The following TMEM275 variants were observed in gnomAD, a reference collection of about 807,000 sequenced individuals.
TMEM275 encodes transmembrane protein 275.
At chr1:46,535,128 C>T (rs144964817) in intron 1 of TMEM275, among the ~76,000 whole-genome samples, 307 of 152,226 alleles carry the variant, frequency 2.0e-3, no homozygotes, top group African/African-American at 6.9e-3. Context: ...AGTGTCCAAA[C>T]CCTATACCCA....
At chr1:46,534,962 C>T (rs1409700815) in intron 1 of TMEM275, among the ~76,000 whole-genome samples, 149 bp downstream of exon 1, 14 of 152,120 alleles carry the variant, frequency 9.2e-5, no homozygotes, top group Admixed American at 8.5e-4. Context: ...CTAAATAAAG[C>T]GCTTAGAACA....
exon 2 of TMEM275, chr1:46,532,941 T>C (rs1666685026): frequency 2.5e-6 from 1 of 394,510 alleles, no homozygotes; most frequent in Non-Finnish European, 4.5e-6. Flanking sequence ...TAAATGGCAC[T>C]GAAGGAAGGG....
Position 46,533,237 on chromosome 1 carries a change from C to T in TMEM275, c.291G>A (p.Ala97=). 2 of 328,462 alleles carry T rather than the reference C, an allele frequency of 6.1e-6. No homozygotes were observed. Among genetic ancestry groups the T allele is most frequent in the Non-Finnish European group, 1.1e-5 (2 of 183,618 alleles). The allele number at this position is 328,462 out of a possible 1,614,324, so 20.3% of individuals were successfully genotyped here. ...GGCCGCCACCCTGGCCCGGGCCCGC[C>T]GCGGCCGCCGAGCGCCCACGGGGCG... The change falls in exon 2 of 2, where the codon GCG becomes GCA. Residue 97 remains alanine (A), a synonymous_variant. Transcript: ENST00000634804. This position sits in a 1 kb window ranked among gnomAD's most constrained non-coding sequence, Gnocchi z 4.4.
exon 2 of TMEM275, chr1:46,532,230 G>A (rs141925378): frequency 0.019 from 2,858 of 152,520 alleles, 29 homozygotes; most frequent in Non-Finnish European, 0.03. Context: ...CACAGTCAGG[G>A]TGGGTGGGGG....
chr1:46,534,129 C>G (rs569637894), intron 1 of TMEM275, among the ~76,000 whole-genome samples, 88 bp from the exon 3 acceptor site: 11 of 150,374 alleles, frequency 7.3e-5, no homozygotes, highest in Non-Finnish European at 1.5e-4. Flanking sequence ...CCTTGCCCCC[C>G]ACCCCCACCC....
chr1:46,534,686 C>A (rs561320399), intron 1 of TMEM275, among the ~76,000 whole-genome samples, 103 bp from the exon 2 acceptor site: 8 of 152,246 alleles, frequency 5.3e-5, no homozygotes, highest in Admixed American at 2.0e-4. Context: ...ATAGTTGGTA[C>A]AAAGGCCCTC....
At position 46,533,329 on chromosome 1, in the gene TMEM275, G is replaced by C. The variant is rs1666694943; in HGVS notation, c.199C>G (p.Leu67Val). ...CCGAGCGCCAGCACCAGCAGCGCCA[G>C]CCCCACGACGAGCAGCGCGTTGTGC... The change falls in exon 2 of 2, where the codon CTG becomes GTG. Residue 67 changes from leucine to valine, a missense_variant. Physicochemically the swap from Leu to Val is conservative, Grantham distance 32 (BLOSUM62 1). Coordinates refer to ENST00000634804, the Ensembl canonical transcript of TMEM275. The surrounding 1 kb of genome is among the most constrained non-coding windows in gnomAD (Gnocchi z 4.4). 1 of 372,844 alleles carries C rather than the reference G, an allele frequency of 2.7e-6. No homozygotes were observed. Among genetic ancestry groups the C allele is most frequent in the Non-Finnish European group, 4.8e-6 (1 of 209,438 alleles). The allele number at this position is 372,844 out of a possible 1,614,324, so 23.1% of individuals were successfully genotyped here.
At chr1:46,535,508 C>A (rs1478330119) in intron 1 of TMEM275, among the ~76,000 whole-genome samples, 1 of 152,200 alleles carries the variant, frequency 6.6e-6, no homozygotes, top group African/African-American at 2.4e-5. Context: ...GCAGGGATAG[C>A]AACCACTAAA....
chr1:46,534,736 T>G (rs6696219), intron 1 of TMEM275, among the ~76,000 whole-genome samples, 153 bp from the exon 2 acceptor site: 1 of 151,884 alleles, frequency 6.6e-6, no homozygotes, highest in Non-Finnish European at 1.5e-5. Flanking sequence ...GTTAGAATTG[T>G]GGGGAAAAAA....
In TMEM275 at chr1:46,533,040, G is replaced by T; in HGVS notation, c.488C>A (p.Ser163Ter). The T allele has an allele frequency of 2.5e-6, 1 of 396,264 alleles. No homozygotes were observed. Among genetic ancestry groups the T allele is most frequent in the East Asian group, 3.6e-5 (1 of 27,950 alleles). The allele number at this position is 396,264 out of a possible 1,614,324, so 24.5% of individuals were successfully genotyped here. Reference sequence around the variant, plus strand: ...GGGTGGGTTGAGCTGGACTCCTTCCGAGCGCAGCGCGCAGACGGCCGCGGG... The same window carrying T: ...GGGTGGGTTGAGCTGGACTCCTTCCTAGCGCAGCGCGCAGACGGCCGCGGG... The change falls in exon 2 of 2, where the codon TCG becomes TAG. Residue 163 changes from serine to a stop codon, truncating the protein, a stop_gained. Coordinates refer to ENST00000634804, the Ensembl canonical transcript of TMEM275. LOFTEE classifies it high-confidence loss of function. This position sits in a 1 kb window ranked among gnomAD's most constrained non-coding sequence, Gnocchi z 4.4.
chr1:46,534,273 C>G (rs1666710430), intron 1 of TMEM275, among the ~76,000 whole-genome samples, 182 bp downstream of exon 2: 1 of 152,172 alleles, frequency 6.6e-6, no homozygotes, highest in Non-Finnish European at 1.5e-5. Flanking sequence ...AGCAATGACA[C>G]TGACTCTCCT....
chr1:46,533,090 G>T lies in TMEM275; in HGVS notation c.438C>A (p.Ser146Arg). ...GCGCCGGGGCCTCCAGGGCGAGGGG[G>T]CTGGGGCCGGGGCTGGAGCAGCCGG... The change falls in exon 2 of 2, where the codon AGC (serine) becomes AGA (arginine). Residue 146 changes from serine to arginine, a missense_variant. Transcript: ENST00000634804. This position sits in a 1 kb window ranked among gnomAD's most constrained non-coding sequence, Gnocchi z 4.4. 2.5e-6 allele frequency: 1 copy of T among 392,908 alleles called. No individual in the cohort carries two copies. 24.3% of individuals were successfully genotyped at this position (392,908 alleles called of 1,614,324 possible). A position where few individuals can be genotyped will look rare whatever the true frequency, so the allele number is the denominator to read the frequency against.
In TMEM275 at chr1:46,534,911, A is replaced by C. The variant is rs545980035; in HGVS notation, c.-123-1261T>G. Among the ~76,000 whole-genome samples, 18 of 152,326 alleles carry C rather than the reference A, an allele frequency of 1.2e-4. No individual in the cohort carries two copies. The South Asian group carries it at 3.1e-3, about 26-fold the overall frequency. On this transcript the variant is annotated intron_variant, in intron 1 of 1. Coordinates refer to ENST00000634804, the Ensembl canonical transcript of TMEM275. ...TTCTGTAATGTGGGGCTAATCATAG[A>C]ACCCACCTCATAGGGTACAGTGATA...
In TMEM275 at chr1:46,534,013, A is replaced by T. The variant is rs79682240; in HGVS notation, c.-123-363T>A. On this transcript the variant is annotated intron_variant, in intron 1 of 1. An upstream start codon of the reference 5' UTR is lost. Transcript: ENST00000634804. The stretch of plus-strand genomic sequence containing the variant: ...CCAGTTCAGCTTAGGTGCTCATCAC[A>T]TGATAATCATCGTCTTCAGTAGTCC... Among the ~76,000 whole-genome samples, 1,301 of 152,288 alleles carry T rather than the reference A, an allele frequency of 8.5e-3. 7 individuals are homozygous for T. Among genetic ancestry groups the T allele is most frequent in the Non-Finnish European group, 0.014 (978 of 68,022 alleles).
rs533407927 is a variant in TMEM275 at position 46,533,836 on chromosome 1, C to T, written c.-123-186G>A. Among the ~76,000 whole-genome samples the T allele has an allele frequency of 3.9e-4, 60 of 152,288 alleles. No individual in the cohort carries two copies. In the South Asian group the frequency reaches 0.011, roughly 28 times the overall value. On this transcript the variant is annotated intron_variant, in intron 1 of 1. Transcript: ENST00000634804. The surrounding 1 kb of genome is among the most constrained non-coding windows in gnomAD (Gnocchi z 4.4). ...ATCGACTTGTTTCCCCACCTAGTTC[C>T]GGGGGTCCCTCGTGGCCAATCTTGC...
At position 46,534,893 on chromosome 1, in the gene TMEM275, A is replaced by T. The variant is rs550980104; in HGVS notation, c.-123-1243T>A. Among the ~76,000 whole-genome samples, 4 of 152,260 alleles carry T rather than the reference A, an allele frequency of 2.6e-5. No homozygotes were observed. In the East Asian group the frequency reaches 7.7e-4, roughly 29 times the overall value. On this transcript the variant is annotated intron_variant, in intron 1 of 1. Transcript: ENST00000634804. ...TCCTGCTTCCATCTTCTCTTCTGTA[A>T]TGTGGGGCTAATCATAGAACCCACC...
At position 46,533,317 on chromosome 1, in the gene TMEM275, C is replaced by T. The variant is rs1404591160; in HGVS notation, c.211G>A (p.Val71Met). ...GCCGCGAAGAAGCCGAGCGCCAGCA[C>T]CAGCAGCGCCAGCCCCACGACGAGC... The change falls in exon 2 of 2, where the codon GTG (valine) becomes ATG (methionine). Residue 71 changes from valine to methionine, a missense_variant. Coordinates refer to ENST00000634804, the Ensembl canonical transcript of TMEM275. The surrounding 1 kb of genome is among the most constrained non-coding windows in gnomAD (Gnocchi z 4.4). The T allele has an allele frequency of 2.4e-5, 9 of 369,736 alleles. No homozygotes were observed. Among genetic ancestry groups the T allele is most frequent in the Non-Finnish European group, 2.9e-5 (6 of 207,680 alleles). 22.9% of individuals were successfully genotyped at this position (369,736 alleles called of 1,614,324 possible).
chr1:46,534,216 C>A (rs903485402), intron 1 of TMEM275, among the ~76,000 whole-genome samples, 175 bp from the exon 3 acceptor site: 6 of 145,568 alleles, frequency 4.1e-5, no homozygotes, highest in Non-Finnish European at 8.9e-5. Context: ...ACCCAAATGA[C>A]CATGCCACTT....
rs1666690604 is a variant in TMEM275, at chr1:46,533,167, C to T, written c.361G>A (p.Ala121Thr). 1 of 383,696 alleles carries T rather than the reference C, an allele frequency of 2.6e-6. No homozygotes were observed. The highest frequency in any genetic ancestry group is 1.3e-4 in the South Asian group (1 of 7,556). 23.8% of individuals were successfully genotyped at this position (383,696 alleles called of 1,614,324 possible). Residue 121 changes from alanine (A) to threonine (T), a missense_variant, in exon 2 of 2, where the codon GCA becomes ACA. By Grantham distance (58) the Ala-to-Thr change is moderately conservative (BLOSUM62 0). Transcript: ENST00000634804. This position sits in a 1 kb window ranked among gnomAD's most constrained non-coding sequence, Gnocchi z 4.4. ...AGCTGCACGGCCGTGGTGTCCTGTG[C>T]CGTGGGCTCGCTGCTCTCCATCTCC...
Sources: gnomAD v4.1 joint callset for allele counts (sites outside exome capture counted in the v4.1 genomes callset) on GRCh38, gnomAD v4.1.1 for gene constraint, Gnocchi (gnomAD v3.1) non-coding constraint, MANE v1.5 for transcripts, NCBI Gene and HGNC (gene_info 2026-07-23, HGNC 2026-07-21) for gene names.